SLC16A12: variants seen among roughly 807,000 people sequenced by gnomAD.
SLC16A12 encodes the protein monocarboxylate transporter 12.
Under a neutral mutation model 42.4 loss-of-function variants are expected in SLC16A12, and 17 were observed. The ratio of observed to expected loss-of-function variants is 0.40; its 90% CI spans 0.27 to 0.60. The LOEUF is 0.60. Ranked by LOEUF, SLC16A12 falls within the 20% of genes least tolerant of loss-of-function variation. SLC16A12 has a pLI of 0.42. For missense variants in SLC16A12, 544 were observed against 623.0 expected (o/e 0.87, Z 1.35); for synonymous variants, 224 against 229.4 (o/e 0.98, Z 0.21).
At chr10:89,542,505 T>C (rs529034621) in intron 2 of SLC16A12, among the ~76,000 whole-genome samples, 1 of 152,270 alleles carries the variant, frequency 6.6e-6, no homozygotes, top group South Asian at 2.1e-4. Flanking sequence ...GGTTTCACCA[T>C]GTTGGCCAGG....
intron 2 of SLC16A12, among the ~76,000 whole-genome samples, chr10:89,552,873 G>A (rs1356994774): frequency 6.6e-6 from 1 of 152,104 alleles, no homozygotes; most frequent in African/African-American, 2.4e-5. Context: ...TCAAAGAAAT[G>A]GTACTTTCTT....
chr10:89,506,449 C>T (rs532838700), intron 2 of SLC16A12, among the ~76,000 whole-genome samples: 17 of 152,158 alleles, frequency 1.1e-4, no homozygotes, highest in Non-Finnish European at 1.9e-4. Flanking sequence ...GAGAGGACCT[C>T]CAAGAAACTC....
At chr10:89,535,702 G>T (rs952494516), upstream of SLC16A12, 1 of 151,790 alleles carries the variant, frequency 6.6e-6, no homozygotes, top group Non-Finnish European at 1.5e-5. Context: ...GACCACTGCA[G>T]CCCTGGCGGT....
intron 2 of SLC16A12, among the ~76,000 whole-genome samples, chr10:89,483,712 T>C (rs527533152): frequency 4.1e-5 from 6 of 145,936 alleles, no homozygotes; most frequent in Non-Finnish European, 5.9e-5. Flanking sequence ...CACTCCAGCC[T>C]TGGCAACATA....
intron 3 of SLC16A12, among the ~76,000 whole-genome samples, chr10:89,449,644 C>T (rs1842060397): frequency 6.6e-6 from 1 of 152,242 alleles, no homozygotes; most frequent in African/African-American, 2.4e-5. Context: ...AGACCTAAAA[C>T]CATAAAAACC....
chr10:89,460,274 A>G (rs1842275579), intron 3 of SLC16A12, among the ~76,000 whole-genome samples: 1 of 151,996 alleles, frequency 6.6e-6, no homozygotes, highest in Non-Finnish European at 1.5e-5. Flanking sequence ...TCAAACCCAG[A>G]ACACAAGACT....
chr10:89,467,409 C>CA (rs1842420818), intron 2 of SLC16A12, among the ~76,000 whole-genome samples: 1 of 151,904 alleles, frequency 6.6e-6, no homozygotes, highest in Non-Finnish European at 1.5e-5. Flanking sequence ...CCACTATAGG[C>CA]AAAAAATAAT....
intron 2 of SLC16A12, among the ~76,000 whole-genome samples, chr10:89,517,400 T>C (rs541150248): frequency 6.6e-6 from 1 of 151,960 alleles, no homozygotes; most frequent in Admixed American, 6.6e-5. Context: ...CTGTAACCTC[T>C]CCTGGGCTCA....
chr10:89,544,678 G>T (rs922284138), intron 2 of SLC16A12, among the ~76,000 whole-genome samples: 3 of 152,148 alleles, frequency 2.0e-5, no homozygotes, highest in African/African-American at 7.2e-5. Context: ...ACCAGGCCCT[G>T]TGTATGTATT....
chr10:89,451,638 C>G (rs1278820971), intron 3 of SLC16A12, among the ~76,000 whole-genome samples: 1 of 152,116 alleles, frequency 6.6e-6, no homozygotes, highest in Non-Finnish European at 1.5e-5. Flanking sequence ...TCTCGAACTC[C>G]TGACCTCAGG....
chr10:89,435,017 A>C (rs1165452090), intron 7 of SLC16A12, among the ~76,000 whole-genome samples: 2 of 152,266 alleles, frequency 1.3e-5, no homozygotes, highest in Non-Finnish European at 2.9e-5. Context: ...ACACAATGCT[A>C]GTTACACATG....
intron 2 of SLC16A12, among the ~76,000 whole-genome samples, chr10:89,532,702 G>C (rs905494351): frequency 6.6e-6 from 1 of 152,116 alleles, no homozygotes; most frequent in African/African-American, 2.4e-5. Context: ...AGTTCATTTC[G>C]ATAAGCCTTT....
At chr10:89,476,211 G>C (rs1419171608) in intron 2 of SLC16A12, among the ~76,000 whole-genome samples, 2 of 152,126 alleles carry the variant, frequency 1.3e-5, no homozygotes, top group Admixed American at 6.5e-5. Context: ...GGCTGTAAAG[G>C]AGAACCTGGG....
intron 2 of SLC16A12, among the ~76,000 whole-genome samples, chr10:89,479,267 G>A (rs1024831582): frequency 2.0e-5 from 3 of 151,662 alleles, no homozygotes; most frequent in Non-Finnish European, 4.4e-5. Context: ...CTGTTTCCTT[G>A]GGAGAAATCA....
intron 2 of SLC16A12, among the ~76,000 whole-genome samples, chr10:89,483,575 A>C (rs908911654): frequency 6.6e-6 from 1 of 152,062 alleles, no homozygotes; most frequent in Non-Finnish European, 1.5e-5. Flanking sequence ...AAAATGAAGA[A>C]AATTGTCTGG....
chr10:89,479,060 C>T (rs532247078), intron 2 of SLC16A12, among the ~76,000 whole-genome samples: 17 of 152,292 alleles, frequency 1.1e-4, no homozygotes, highest in Admixed American at 8.5e-4. Context: ...GACTTCTCTG[C>T]CACTTACTAA....
chr10:89,430,702 A>C lies in SLC16A12; in HGVS notation c.*2362T>G. The C allele has an allele frequency of 2.2e-6, 1 of 463,824 alleles. No individual in the cohort carries two copies. The allele number at this position is 463,824 out of a possible 1,614,324, so 28.7% of individuals were successfully genotyped here. On this transcript the variant is annotated 3_prime_UTR_variant, in exon 8 of 8. Coordinates refer to ENST00000371790, the MANE Select transcript of SLC16A12 (RefSeq NM_213606.4). ...TGCCTCAAAAGGGAAAGTAAAATGC[A>C]AATCTATGCATGTATAAAGTCAAAT...
chr10:89,462,841 C>T (rs753597354), intron 2 of SLC16A12: 47 of 455,578 alleles, frequency 1.0e-4, no homozygotes, highest in Non-Finnish European at 1.4e-4. Context: ...TGCATGTCTA[C>T]TCTATTTGAT....
intron 3 of SLC16A12, among the ~76,000 whole-genome samples, chr10:89,454,635 T>C (rs968079945): frequency 6.6e-6 from 1 of 151,856 alleles, no homozygotes; most frequent in Non-Finnish European, 1.5e-5. Flanking sequence ...TTTTTTAATA[T>C]CTTTGAGCCT....
Sources: allele counts gnomAD v4.1 joint callset (sites outside exome capture counted in the v4.1 genomes callset), GRCh38; gene constraint gnomAD v4.1.1; transcripts MANE v1.5; gene names NCBI Gene and HGNC (gene_info 2026-07-23, HGNC 2026-07-21).